KIAA1217: variants seen among roughly 807,000 people sequenced by gnomAD.
KIAA1217 encodes sickle tail protein homolog.
A neutral mutation model predicts 163.9 loss-of-function variants in KIAA1217; 88 were observed. The ratio of observed to expected loss-of-function variants is 0.54; its 90% CI spans 0.45 to 0.64. The LOEUF is 0.64. KIAA1217 is among the 30% of genes least tolerant of loss of function. The probability of loss-of-function intolerance (pLI) is 0.00; values close to 1 mark genes in which losing one functional copy is unlikely to be tolerated. For missense variants in KIAA1217, 2,372 were observed against 2,475.0 expected (o/e 0.96, Z 0.88); for synonymous variants, 903 against 923.1 (o/e 0.98, Z 0.39).
intron 2 of KIAA1217, among the ~76,000 whole-genome samples, chr10:24,221,802 A>G (rs907568279): frequency 6.6e-6 from 1 of 152,208 alleles, no homozygotes; most frequent in Non-Finnish European, 1.5e-5. Context: ...TGGGAAGCCA[A>G]GGCTAGAGGA....
At chr10:23,828,754 G>A (rs1319087790) in intron 1 of KIAA1217, among the ~76,000 whole-genome samples, 2 of 152,108 alleles carry the variant, frequency 1.3e-5, no homozygotes. Context: ...TGTGTGGCTT[G>A]GGAGTGACAG....
At chr10:24,517,694 C>T (rs2070410621) in intron 10 of KIAA1217, among the ~76,000 whole-genome samples, 1 of 152,058 alleles carries the variant, frequency 6.6e-6, no homozygotes, top group Non-Finnish European at 1.5e-5. Context: ...AAACTTGGGC[C>T]TAAAACTGTG....
intron 2 of KIAA1217, among the ~76,000 whole-genome samples, chr10:24,335,583 A>T (rs911531806): frequency 8.7e-6 from 1 of 114,640 alleles, no homozygotes; most frequent in African/African-American, 3.7e-5. Flanking sequence ...ATTTTATCTT[A>T]TTTTATTTAT....
intron 1 of KIAA1217, among the ~76,000 whole-genome samples, chr10:23,790,487 A>G (rs375704643): frequency 1.8e-5 from 2 of 112,588 alleles, no homozygotes; most frequent in Non-Finnish European, 3.5e-5. Context: ...GTGCATATAT[A>G]CATATATACA....
At chr10:24,515,958 CTA>C (rs1168585527) in intron 10 of KIAA1217, among the ~76,000 whole-genome samples, 1 of 152,200 alleles carries the variant, frequency 6.6e-6, no homozygotes, top group Non-Finnish European at 1.5e-5. Context: ...GTAGTCTCAG[CTA>C]CTCAGGAGGC....
At chr10:24,489,704 A>G (rs895858542) in intron 6 of KIAA1217, among the ~76,000 whole-genome samples, 3 of 151,820 alleles carry the variant, frequency 2.0e-5, no homozygotes, top group Non-Finnish European at 4.4e-5. Context: ...TCTACTAAAA[A>G]TACAAAAGAA....
At chr10:24,399,216 G>A (rs978116112) in intron 3 of KIAA1217, among the ~76,000 whole-genome samples, 16 of 152,210 alleles carry the variant, frequency 1.1e-4, no homozygotes, top group Admixed American at 3.9e-4. Flanking sequence ...TGGTCATAGC[G>A]ATGAACTGAG....
intron 3 of KIAA1217, among the ~76,000 whole-genome samples, chr10:24,410,914 G>A (rs372645586): frequency 7.2e-5 from 11 of 151,990 alleles, no homozygotes; most frequent in Admixed American, 7.2e-4. Flanking sequence ...ACAGTCCTTC[G>A]TGCGTGTCTT....
chr10:24,492,803 A>ACCATCTCTCAAAAAGAGC (rs77282386), intron 6 of KIAA1217, among the ~76,000 whole-genome samples: 55,141 of 151,558 alleles, frequency 0.36, 10,339 homozygotes, highest in East Asian at 0.51. Context: ...ATGCAGATGC[A>ACCATCTCTCAAAAAGAGC]CCAGCTTAAT....
intron 3 of KIAA1217, among the ~76,000 whole-genome samples, chr10:24,399,563 C>T (rs2056269790): frequency 6.6e-6 from 1 of 152,194 alleles, no homozygotes; most frequent in African/African-American, 2.4e-5. Context: ...TAGATCCCAT[C>T]TCTAAATTCT....
At chr10:23,915,572 GATACC>G (rs1842603657) in intron 1 of KIAA1217, among the ~76,000 whole-genome samples, 1 of 152,168 alleles carries the variant, frequency 6.6e-6, no homozygotes, top group Non-Finnish European at 1.5e-5. Flanking sequence ...AATGTACCAA[GATACC>G]ATGTGCATGC....
chr10:24,346,083 T>C (rs537969260), intron 2 of KIAA1217, among the ~76,000 whole-genome samples: 1 of 152,344 alleles, frequency 6.6e-6, no homozygotes, highest in South Asian at 2.1e-4. Flanking sequence ...TTTGGGTTTT[T>C]CTATGTGACT....
chr10:23,712,160 A>C (rs1837297347), intron 1 of KIAA1217, among the ~76,000 whole-genome samples: 1 of 152,106 alleles, frequency 6.6e-6, no homozygotes, highest in Admixed American at 6.5e-5. Flanking sequence ...AGGGTATCAA[A>C]ATACCTGGCA....
chr10:23,990,135 T>A (rs1275209705), intron 1 of KIAA1217, among the ~76,000 whole-genome samples: 4 of 152,202 alleles, frequency 2.6e-5, no homozygotes, highest in Non-Finnish European at 2.9e-5. Flanking sequence ...GAGTTGGGTG[T>A]GTTGCAAAAG....
chr10:24,314,012 G>C (rs1239402662), intron 2 of KIAA1217, among the ~76,000 whole-genome samples: 1 of 151,810 alleles, frequency 6.6e-6, no homozygotes, highest in Non-Finnish European at 1.5e-5. Flanking sequence ...GCTAATTTTT[G>C]TATTTTTAGT....
intron 2 of KIAA1217, among the ~76,000 whole-genome samples, chr10:24,082,688 T>G (rs1212010946): frequency 2.0e-5 from 3 of 152,224 alleles, no homozygotes; most frequent in Non-Finnish European, 4.4e-5. Flanking sequence ...CTATTGTGAA[T>G]AGTGCTGCAA....
intron 2 of KIAA1217, among the ~76,000 whole-genome samples, chr10:24,222,976 C>A (rs749578106): frequency 1.3e-5 from 2 of 152,152 alleles, no homozygotes; most frequent in Non-Finnish European, 2.9e-5. Context: ...AATTTCCTGA[C>A]GTTGCCATGG....
At chr10:24,415,390 C>T (rs1265114029) in intron 3 of KIAA1217, among the ~76,000 whole-genome samples, 2 of 152,082 alleles carry the variant, frequency 1.3e-5, no homozygotes, top group East Asian at 3.9e-4. Context: ...GCTGGGATTA[C>T]AGTCATGAGC....
intron 2 of KIAA1217, among the ~76,000 whole-genome samples, chr10:24,152,430 T>C (rs2064664074): frequency 6.6e-6 from 1 of 152,216 alleles, no homozygotes; most frequent in Admixed American, 6.5e-5. Context: ...TGTGAATCAG[T>C]ATGTAAAATA....
Sources: allele counts gnomAD v4.1 joint callset (sites outside exome capture counted in the v4.1 genomes callset), GRCh38; gene constraint gnomAD v4.1.1; transcripts MANE v1.5; gene names NCBI Gene and HGNC (gene_info 2026-07-23, HGNC 2026-07-21).